The following MTUS2 variants were observed in gnomAD, a reference collection of about 807,000 sequenced individuals.
MTUS2 encodes the protein microtubule-associated tumor suppressor candidate 2.
A neutral mutation model predicts 114.1 loss-of-function variants in MTUS2; 40 were observed. That is an observed-to-expected ratio of 0.35 (90% CI 0.27 to 0.46). The LOEUF is 0.46. Ranked by LOEUF, MTUS2 falls within the 20% of genes least tolerant of loss-of-function variation. MTUS2 has a pLI of 1.00. For missense variants in MTUS2, 1,679 were observed against 1,705.4 expected (o/e 0.98, Z 0.27); for synonymous variants, 688 against 672.0 (o/e 1.02, Z -0.37).
In MTUS2 at chr13:29,290,323, TTTTG is replaced by T. The variant is rs201225560; in HGVS notation, c.2806+8478_2806+8481del. Among the ~76,000 whole-genome samples, 735 of 152,052 alleles carry T rather than the reference TTTTG, an allele frequency of 4.8e-3. 6 individuals carry two copies. The highest frequency in any genetic ancestry group is 0.016 in the African/African-American group (670 of 41,468). Reference sequence around the variant, plus strand: ...AAGTGTCTCTGCTAGGAACATCTGTTTTTGTTTGTTTGTTTGTTTGTTTTGAGAT... The same window carrying T: ...AAGTGTCTCTGCTAGGAACATCTGTTTTTGTTTGTTTGTTTGTTTTGAGAT... On this transcript the variant is annotated intron_variant, in intron 6 of 15. Transcript: ENST00000612955.
At chr13:29,179,922 G>A (rs1203158128) in intron 5 of MTUS2, among the ~76,000 whole-genome samples, 1 of 152,170 alleles carries the variant, frequency 6.6e-6, no homozygotes, top group Non-Finnish European at 1.5e-5. Context: ...AGTAACAGTT[G>A]TTGTGTTCTT....
At chr13:29,327,436 A>T (rs1280327145) in intron 7 of MTUS2, among the ~76,000 whole-genome samples, 1 of 152,058 alleles carries the variant, frequency 6.6e-6, no homozygotes, top group Non-Finnish European at 1.5e-5. Flanking sequence ...ACAACCACTG[A>T]TCTGTTCTGT....
chr13:29,312,312 C>T (rs1899805971), intron 6 of MTUS2, among the ~76,000 whole-genome samples: 1 of 152,112 alleles, frequency 6.6e-6, no homozygotes. Flanking sequence ...ACAGCTAATA[C>T]CATATCAAGT....
At chr13:29,050,620 A>G (rs1378946328) in intron 4 of MTUS2, among the ~76,000 whole-genome samples, 1 of 152,072 alleles carries the variant, frequency 6.6e-6, no homozygotes, top group Non-Finnish European at 1.5e-5. Context: ...CAGCTTCACC[A>G]CCAGTGAACA....
At chr13:28,821,856 A>G (rs1003093787) in intron 1 of MTUS2, among the ~76,000 whole-genome samples, 1 of 152,210 alleles carries the variant, frequency 6.6e-6, no homozygotes. Flanking sequence ...ACATCAGAGA[A>G]TTACAGCATG....
chr13:28,959,567 G>A (rs1446922057), intron 2 of MTUS2, among the ~76,000 whole-genome samples: 1 of 152,176 alleles, frequency 6.6e-6, no homozygotes, highest in African/African-American at 2.4e-5. Flanking sequence ...CTTTTGGTGA[G>A]GGCCTCAGGA....
At chr13:29,200,981 T>A (rs1894931018) in intron 5 of MTUS2, among the ~76,000 whole-genome samples, 1 of 152,184 alleles carries the variant, frequency 6.6e-6, no homozygotes, top group Non-Finnish European at 1.5e-5. Flanking sequence ...AGAATGTATA[T>A]TCTGTTAATT....
intron 8 of MTUS2, among the ~76,000 whole-genome samples, chr13:29,420,343 T>C (rs2138589406): frequency 6.6e-6 from 1 of 151,386 alleles, no homozygotes; most frequent in East Asian, 1.9e-4. Context: ...AGTGGTGCGA[T>C]CTCAGCTCAA....
intron 6 of MTUS2, among the ~76,000 whole-genome samples, chr13:29,305,722 A>T (rs985051564): frequency 1.3e-5 from 2 of 152,188 alleles, no homozygotes; most frequent in Admixed American, 6.6e-5. Context: ...AGAAGAACTG[A>T]TACCATTGCT....
At chr13:29,285,652 C>T in intron 6 of MTUS2, among the ~76,000 whole-genome samples, 1 of 152,156 alleles carries the variant, frequency 6.6e-6, no homozygotes, top group Non-Finnish European at 1.5e-5. Flanking sequence ...CTCTGGGAAG[C>T]TCTATGGGAC....
chr13:29,225,396 C>T (rs1335651), intron 5 of MTUS2, among the ~76,000 whole-genome samples: 24,669 of 152,170 alleles, frequency 0.16, 2,274 homozygotes, highest in East Asian at 0.4. Context: ...TCCAAAGTTA[C>T]GCAGTGTTAT....
intron 6 of MTUS2, among the ~76,000 whole-genome samples, chr13:29,321,170 G>T (rs1004696633): frequency 3.9e-5 from 6 of 152,162 alleles, no homozygotes; most frequent in Admixed American, 2.0e-4. Context: ...AGTTGGTGAT[G>T]TGAGCCTGTT....
chr13:29,494,933 C>T (rs1342494021), intron 12 of MTUS2, among the ~76,000 whole-genome samples: 1 of 151,926 alleles, frequency 6.6e-6, no homozygotes, highest in Non-Finnish European at 1.5e-5. Context: ...CGTTTGTATT[C>T]CCAGCACTTT....
At chr13:29,437,642 T>C (rs936607407) in intron 8 of MTUS2, among the ~76,000 whole-genome samples, 20 of 152,040 alleles carry the variant, frequency 1.3e-4, no homozygotes, top group African/African-American at 4.8e-4. Context: ...ACCAGGAAGG[T>C]GCTTACAAAA....
intron 8 of MTUS2, among the ~76,000 whole-genome samples, chr13:29,424,054 AT>A (rs1213108207): frequency 6.7e-6 from 1 of 148,840 alleles, no homozygotes; most frequent in South Asian, 2.1e-4. Context: ...TTTAGTAGAG[AT>A]GGGGTTTCAC....
intron 4 of MTUS2, among the ~76,000 whole-genome samples, chr13:29,043,363 A>AT (rs1887460490): frequency 6.6e-6 from 1 of 151,898 alleles, no homozygotes; most frequent in African/African-American, 2.4e-5. Flanking sequence ...CATATGCTCT[A>AT]TTTTGAAGAA....
intron 4 of MTUS2, among the ~76,000 whole-genome samples, chr13:29,053,568 C>T (rs1887998753): frequency 6.6e-6 from 1 of 152,164 alleles, no homozygotes; most frequent in Non-Finnish European, 1.5e-5. Context: ...TAGACAATTC[C>T]CAATCCTACT....
intron 5 of MTUS2, among the ~76,000 whole-genome samples, chr13:29,277,338 AAG>A (rs753244910): frequency 1.3e-5 from 2 of 152,202 alleles, no homozygotes; most frequent in Non-Finnish European, 2.9e-5. Context: ...CAGTCGGAAA[AAG>A]AAGACTTAAT....
At chr13:29,188,408 A>AT (rs1894310755) in intron 5 of MTUS2, among the ~76,000 whole-genome samples, 1 of 152,228 alleles carries the variant, frequency 6.6e-6, no homozygotes, top group Non-Finnish European at 1.5e-5. Flanking sequence ...TGGCCTCTGC[A>AT]TATCAATCCC....
Sources: gnomAD v4.1 joint callset for allele counts (sites outside exome capture counted in the v4.1 genomes callset) on GRCh38, gnomAD v4.1.1 for gene constraint, MANE v1.5 for transcripts, NCBI Gene and HGNC (gene_info 2026-07-23, HGNC 2026-07-21) for gene names.